Variants in NIPAL2 observed in about 807,000 individuals in gnomAD.
The protein encoded by NIPAL2 is NIPA-like protein 2.
In NIPAL2, 43 loss-of-function variants were observed where a neutral mutation model predicts 48.9. The ratio of observed to expected loss-of-function variants is 0.88; its 90% CI spans 0.69 to 1.13. NIPAL2 has a LOEUF of 1.13. Among genes scored for constraint, NIPAL2 ranks in the 50% most tolerant of loss-of-function variants. NIPAL2 has a pLI of 0.00. For synonymous variants in NIPAL2, 167 were observed against 174.6 expected (o/e 0.96, Z 0.34); for missense variants, 446 against 461.4 (o/e 0.97, Z 0.31).
chr8:98,269,236 T>C (rs904591871), intron 1 of NIPAL2, among the ~76,000 whole-genome samples: 8 of 152,216 alleles, frequency 5.3e-5, no homozygotes, highest in African/African-American at 1.9e-4. Context: ...ATTACAAATG[T>C]TCTTAAAGGC....
chr8:98,265,782 G>C (rs1350216736), intron 1 of NIPAL2, among the ~76,000 whole-genome samples: 1 of 141,764 alleles, frequency 7.1e-6, no homozygotes, highest in African/African-American at 2.7e-5. Context: ...CCATTACTGG[G>C]TATATACCCA....
intron 4 of NIPAL2, among the ~76,000 whole-genome samples, chr8:98,233,033 G>A (rs61314544): frequency 0.034 from 5,199 of 152,246 alleles, 264 homozygotes; most frequent in African/African-American, 0.12. Flanking sequence ...GCAGAGGTGC[G>A]TGGATCATGA....
chr8:98,223,621 G>A (rs979785615), intron 4 of NIPAL2, among the ~76,000 whole-genome samples: 1 of 152,174 alleles, frequency 6.6e-6, no homozygotes, highest in African/African-American at 2.4e-5. Context: ...CCAATTTCCT[G>A]TTCCTCGTAT....
At chr8:98,213,075 T>C (rs994593815) in intron 5 of NIPAL2, among the ~76,000 whole-genome samples, 5 of 152,168 alleles carry the variant, frequency 3.3e-5, no homozygotes, top group Admixed American at 6.5e-5. Context: ...ATAGAGAACA[T>C]ATATGATGCA....
chr8:98,190,188 G>T lies in NIPAL2; in HGVS notation c.*2790C>A, dbSNP rs186563656. 1 of 152,366 alleles carries T rather than the reference G, an allele frequency of 6.6e-6. No homozygotes were observed. The highest frequency in any genetic ancestry group is 1.5e-5 in the Non-Finnish European group (1 of 68,078). 9.4% of individuals were successfully genotyped at this position (152,366 alleles called of 1,614,324 possible). On this transcript the variant is annotated 3_prime_UTR_variant, in exon 11 of 11. Transcript: ENST00000430223. ...TCCCAAAGTATCTCATTTGTCATGAGCCATGAGTGTCACTTTTTAAACTCC... is the reference window on the plus strand; with the variant it reads ...TCCCAAAGTATCTCATTTGTCATGATCCATGAGTGTCACTTTTTAAACTCC...
In NIPAL2 at chr8:98,203,102, A is replaced by C. The variant is rs757425171; in HGVS notation, c.880+6T>G. ...AATCACCAATGTATAGAAAACCAAA[A>C]CTCACCTGCAATGATGGCACTGATT... On this transcript the variant is annotated splice_donor_region_variant and intron_variant, in intron 8 of 10. Transcript: ENST00000430223. 2 of 1,608,908 alleles carry C rather than the reference A, an allele frequency of 1.2e-6. No individual in the cohort carries two copies. The highest frequency in any genetic ancestry group is 1.7e-6 in the Non-Finnish European group (2 of 1,175,366).
intron 10 of NIPAL2, among the ~76,000 whole-genome samples, chr8:98,193,839 A>G (rs946142633): frequency 6.6e-6 from 1 of 152,042 alleles, no homozygotes; most frequent in African/African-American, 2.4e-5. Flanking sequence ...ATTTCCTATC[A>G]AAGAACCTCT....
Position 98,237,809 on chromosome 8 carries a change from G to A in NIPAL2, c.377-1595C>T, listed in dbSNP as rs1008351713. On this transcript the variant is annotated intron_variant, in intron 3 of 10. Coordinates refer to ENST00000430223, the MANE Select transcript of NIPAL2 (RefSeq NM_001321635.2). ...TCACCTCTGGATTCCCCTGGGCTGA[G>A]CTGATCCCGCCACCCTTATGCTCTG... Among the ~76,000 whole-genome samples the A allele has an allele frequency of 5.9e-5, 9 of 152,240 alleles. No homozygotes were observed. The East Asian group carries it at 1.7e-3, about 29-fold the overall frequency.
chr8:98,273,971 A>G (rs1050184704), intron 1 of NIPAL2, among the ~76,000 whole-genome samples: 1 of 152,052 alleles, frequency 6.6e-6, no homozygotes, highest in Non-Finnish European at 1.5e-5. Flanking sequence ...TGTTTTCTGA[A>G]AAAGTTTCTA....
At chr8:98,258,482 T>C (rs1814041487) in intron 1 of NIPAL2, among the ~76,000 whole-genome samples, 2 of 152,196 alleles carry the variant, frequency 1.3e-5, no homozygotes, top group Admixed American at 6.5e-5. Flanking sequence ...AATAGATCCC[T>C]GGCCCAGGGT....
chr8:98,219,968 T>C (rs188692119), intron 5 of NIPAL2, among the ~76,000 whole-genome samples: 15 of 152,266 alleles, frequency 9.9e-5, no homozygotes, highest in Admixed American at 9.8e-4. Flanking sequence ...AGTAGACTAT[T>C]TGAAGACATT....
intron 6 of NIPAL2, among the ~76,000 whole-genome samples, chr8:98,209,427 G>A (rs12542593): frequency 0.12 from 15,370 of 125,164 alleles, 1,037 homozygotes; most frequent in Middle Eastern, 0.19. Context: ...CGGGCAGCAT[G>A]GGGATACCCT....
At chr8:98,267,117 A>G (rs1814821116) in intron 1 of NIPAL2, among the ~76,000 whole-genome samples, 1 of 152,186 alleles carries the variant, frequency 6.6e-6, no homozygotes, top group African/African-American at 2.4e-5. Flanking sequence ...GTTTTCAATA[A>G]TGTCTTCCAA....
chr8:98,235,077 A>C (rs1328478591), intron 4 of NIPAL2, among the ~76,000 whole-genome samples: 1 of 152,232 alleles, frequency 6.6e-6, no homozygotes, highest in Non-Finnish European at 1.5e-5. Context: ...TTTTCAAGAC[A>C]TTACGCTCAA....
chr8:98,216,992 G>C, intron 5 of NIPAL2: 1 of 882,992 alleles, frequency 1.1e-6, no homozygotes, highest in Non-Finnish European at 1.4e-6. Flanking sequence ...TGCTAACAGA[G>C]ATGATGAATT....
At chr8:98,242,395 C>G (rs957006164) in intron 3 of NIPAL2, among the ~76,000 whole-genome samples, 1 of 151,804 alleles carries the variant, frequency 6.6e-6, no homozygotes, top group Non-Finnish European at 1.5e-5. Flanking sequence ...CTATGTTGCC[C>G]AGGCTGGTCT....
intron 4 of NIPAL2, among the ~76,000 whole-genome samples, chr8:98,233,140 C>A (rs931314933): frequency 2.0e-5 from 3 of 151,994 alleles, no homozygotes; most frequent in Non-Finnish European, 4.4e-5. Context: ...TGCCTGTAAT[C>A]CCAGCTACTT....
intron 2 of NIPAL2, 108 bp downstream of exon 2, chr8:98,253,911 T>C (rs1440555945): frequency 3.2e-6 from 2 of 622,084 alleles, no homozygotes; most frequent in Non-Finnish European, 5.5e-6. Flanking sequence ...TTTTTTATAA[T>C]TTTTATGGAG....
intron 3 of NIPAL2, among the ~76,000 whole-genome samples, chr8:98,242,548 C>T (rs1250119878): frequency 7.1e-6 from 1 of 140,898 alleles, no homozygotes; most frequent in South Asian, 2.2e-4. Context: ...AGTGCATTGG[C>T]GATCTCAGCT....
Sources: allele counts gnomAD v4.1 joint callset (sites outside exome capture counted in the v4.1 genomes callset), GRCh38; gene constraint gnomAD v4.1.1; transcripts MANE v1.5; gene names NCBI Gene and HGNC (gene_info 2026-07-23, HGNC 2026-07-21).